The following DRC9 variants were observed in gnomAD, a reference collection of about 807,000 sequenced individuals.
The protein encoded by DRC9 is dynein regulatory complex protein 9.
At chr3:197,913,318 T>TTGCGTGTGTGCG in the DRC9 span, 4,241 of 183,612 alleles carry the variant, frequency 0.023, 82 homozygotes, top group South Asian at 0.037. Flanking sequence ...GTGCCTGGCT[T>TTGCGTGTGTGCG]TGCGTGTGTG....
chr3:197,910,634 T>C, the DRC9 span, among the ~76,000 whole-genome samples: 2 of 152,228 alleles, frequency 1.3e-5, no homozygotes, highest in African/African-American at 4.8e-5. Context: ...AGCTGTATTA[T>C]AACTAAGCTG....
the DRC9 span, chr3:197,950,137 G>T: frequency 8.1e-7 from 1 of 1,231,794 alleles, no homozygotes; most frequent in Non-Finnish European, 1.0e-6. Context: ...CCTAAATTGA[G>T]GGCGGAGTCG....
the DRC9 span, among the ~76,000 whole-genome samples, chr3:197,892,926 G>C: frequency 1.3e-5 from 2 of 151,982 alleles, no homozygotes; most frequent in African/African-American, 4.8e-5. Flanking sequence ...GATTGGGAAT[G>C]GGGGTGAGGG....
the DRC9 span, among the ~76,000 whole-genome samples, chr3:197,930,167 C>A: frequency 2.0e-5 from 3 of 150,716 alleles, no homozygotes; most frequent in South Asian, 6.4e-4. Flanking sequence ...CCAGCCTGGG[C>A]AACATGGCAA....
At chr3:197,953,500 C>T in the DRC9 span, 3 of 456,418 alleles carry the variant, frequency 6.6e-6, no homozygotes, top group South Asian at 4.7e-5. Context: ...GGGATTAACC[C>T]CTTGGTGTCT....
At chr3:197,955,470 G>A in the DRC9 span, among the ~76,000 whole-genome samples, 1 of 152,030 alleles carries the variant, frequency 6.6e-6, no homozygotes, top group African/African-American at 2.4e-5. Flanking sequence ...TACCATGTTG[G>A]CCAGGATGGT....
chr3:197,909,324 T>A, the DRC9 span, among the ~76,000 whole-genome samples: 3 of 152,136 alleles, frequency 2.0e-5, no homozygotes, highest in South Asian at 2.1e-4. Flanking sequence ...AACAGACATA[T>A]AAATAATAAA....
chr3:197,938,185 C>T, the DRC9 span, among the ~76,000 whole-genome samples: 2 of 151,898 alleles, frequency 1.3e-5, no homozygotes, highest in East Asian at 2.0e-4. Context: ...GGCATGGTGG[C>T]GTGCACCTGT....
the DRC9 span, among the ~76,000 whole-genome samples, chr3:197,903,931 G>A: frequency 1.3e-5 from 2 of 150,824 alleles, no homozygotes; most frequent in African/African-American, 4.9e-5. Context: ...CAACAATAGT[G>A]AGATCTTGTC....
the DRC9 span, chr3:197,949,870 C>T: frequency 5.1e-6 from 2 of 392,806 alleles, no homozygotes; most frequent in South Asian, 2.9e-4. Flanking sequence ...CGGGAACATC[C>T]TCCACTCAGG....
At chr3:197,944,066 A>G in the DRC9 span, 1 of 1,598,982 alleles carries the variant, frequency 6.3e-7, no homozygotes. Context: ...GGAAAGAATA[A>G]AGAAAAAATA....
chr3:197,895,793 G>A, the DRC9 span, among the ~76,000 whole-genome samples: 1 of 151,254 alleles, frequency 6.6e-6, no homozygotes, highest in Non-Finnish European at 1.5e-5. Flanking sequence ...TTGGCAACAT[G>A]GCAAAACCCC....
At chr3:197,918,609 T>C in the DRC9 span, among the ~76,000 whole-genome samples, 1 of 152,186 alleles carries the variant, frequency 6.6e-6, no homozygotes, top group Non-Finnish European at 1.5e-5. Flanking sequence ...ATCTAAATAG[T>C]GTTAGACAGG....
At chr3:197,914,320 T>G in the DRC9 span, among the ~76,000 whole-genome samples, 1 of 152,226 alleles carries the variant, frequency 6.6e-6, no homozygotes, top group Non-Finnish European at 1.5e-5. Context: ...CTTTCTCATT[T>G]TGGTAGGAAG....
At chr3:197,898,688 A>C in the DRC9 span, among the ~76,000 whole-genome samples, 2 of 152,208 alleles carry the variant, frequency 1.3e-5, no homozygotes, top group African/African-American at 4.8e-5. Context: ...CGAAGGAGGA[A>C]GCCCCTTATA....
the DRC9 span, chr3:197,889,577 T>A: frequency 6.2e-7 from 1 of 1,614,162 alleles, no homozygotes; most frequent in Non-Finnish European, 8.5e-7. Context: ...AAAGAGAACT[T>A]GGTCACTTCT....
At chr3:197,950,261 A>G in the DRC9 span, 2 of 1,230,304 alleles carry the variant, frequency 1.6e-6, no homozygotes, top group Non-Finnish European at 2.0e-6. Flanking sequence ...GGGGCAAATA[A>G]CCGGAGTAGG....
At chr3:197,941,903 T>C in the DRC9 span, among the ~76,000 whole-genome samples, 2 of 152,194 alleles carry the variant, frequency 1.3e-5, no homozygotes, top group African/African-American at 4.8e-5. Flanking sequence ...TACTATTTGT[T>C]AGCCAGCTTA....
chr3:197,908,329 G>A, the DRC9 span, among the ~76,000 whole-genome samples: 1 of 142,868 alleles, frequency 7.0e-6, no homozygotes, highest in African/African-American at 2.7e-5. Flanking sequence ...CCCTTTCCAA[G>A]GCATCCTCCC....
Sources: allele counts gnomAD v4.1 joint callset (sites outside exome capture counted in the v4.1 genomes callset), GRCh38; gene constraint gnomAD v4.1.1; transcripts MANE v1.5; gene names NCBI Gene and HGNC (gene_info 2026-07-23, HGNC 2026-07-21).